Variants in KIF21A observed in about 807,000 individuals in gnomAD.
KIF21A encodes the protein kinesin family member 21A.
A neutral mutation model predicts 202.9 loss-of-function variants in KIF21A; 114 were observed. The observed-to-expected ratio is 0.56, with a 90% CI of 0.48 to 0.66. KIF21A has a LOEUF of 0.66. Among genes scored for constraint, KIF21A ranks in the 30% least tolerant of loss-of-function variants. The pLI is 0.00. For synonymous variants in KIF21A, 667 were observed against 670.8 expected, an observed-to-expected ratio of 0.99 and a Z score of 0.09; for missense variants, 1,677 against 1,994.9, an observed-to-expected ratio of 0.84 and a Z score of 3.04.
At chr12:39,343,370 T>A (rs147567261) in intron 12 of KIF21A, among the ~76,000 whole-genome samples, 1,830 of 151,852 alleles carry the variant, frequency 0.012, 41 homozygotes, top group African/African-American at 0.038. Context: ...AAAAATAAAT[T>A]AATTAATTAA....
chr12:39,430,964 A>T (rs1369913468), intron 1 of KIF21A, among the ~76,000 whole-genome samples: 1 of 152,146 alleles, frequency 6.6e-6, no homozygotes, highest in Non-Finnish European at 1.5e-5. Context: ...CAGCACCCAG[A>T]ACCAGGAGCT....
At chr12:39,385,439 T>C (rs1950881488) in intron 1 of KIF21A, among the ~76,000 whole-genome samples, 1 of 152,178 alleles carries the variant, frequency 6.6e-6, no homozygotes, top group Non-Finnish European at 1.5e-5. Flanking sequence ...ATTTCATCCA[T>C]ACCCAAAGAG....
At chr12:39,328,268 AC>A (rs200227328) in intron 24 of KIF21A, among the ~76,000 whole-genome samples, 27 of 150,724 alleles carry the variant, frequency 1.8e-4, no homozygotes, top group Admixed American at 7.9e-4. Flanking sequence ...TACATATGTC[AC>A]CCCCCCCAGT....
intron 1 of KIF21A, among the ~76,000 whole-genome samples, chr12:39,417,816 G>A (rs966389001): frequency 1.8e-4 from 28 of 152,164 alleles, no homozygotes; most frequent in Non-Finnish European, 3.2e-4. Flanking sequence ...AGTATGACAA[G>A]TATGACAGTA....
At chr12:39,334,870 G>A (rs1411437990) in intron 17 of KIF21A, among the ~76,000 whole-genome samples, 1 of 152,160 alleles carries the variant, frequency 6.6e-6, no homozygotes, top group Non-Finnish European at 1.5e-5. Context: ...CATCCCAGGA[G>A]TTCAGTATTG....
At chr12:39,294,548 T>C (rs1942110408) in intron 37 of KIF21A, 31 bp from the exon 38 acceptor site, 1 of 1,483,178 alleles carries the variant, frequency 6.7e-7, no homozygotes, top group South Asian at 1.1e-5. Context: ...CATGGATATA[T>C]GAACAAGGGC....
At chr12:39,346,402 C>T (rs1181418419) in intron 12 of KIF21A, 64 bp downstream of exon 12, 10 of 1,219,002 alleles carry the variant, frequency 8.2e-6, no homozygotes, top group African/African-American at 3.1e-5. Flanking sequence ...TAACACATTT[C>T]CTTGTGAATG....
intron 17 of KIF21A, among the ~76,000 whole-genome samples, chr12:39,335,115 A>G (rs1271724121): frequency 6.6e-6 from 1 of 152,166 alleles, no homozygotes; most frequent in Non-Finnish European, 1.5e-5. Flanking sequence ...CCTTGAAAAC[A>G]TCGTGTTAAA....
chr12:39,310,817 T>C (rs1224968078), intron 32 of KIF21A, among the ~76,000 whole-genome samples: 1 of 152,052 alleles, frequency 6.6e-6, no homozygotes, highest in Admixed American at 6.6e-5. Flanking sequence ...TGGTTTCCAG[T>C]TACTTGCAAT....
chr12:39,408,797 G>A (rs1052388986), intron 1 of KIF21A, among the ~76,000 whole-genome samples: 2 of 149,524 alleles, frequency 1.3e-5, no homozygotes, highest in Admixed American at 6.6e-5. Flanking sequence ...AGAAGCAATA[G>A]TTGTGGGGGC....
At chr12:39,357,514 A>G (rs1271165694) in intron 8 of KIF21A, 77 bp from the exon 9 acceptor site, 2 of 1,226,682 alleles carry the variant, frequency 1.6e-6, no homozygotes, top group African/African-American at 3.0e-5. Flanking sequence ...ATACTCTATA[A>G]CTATACAATT....
At chr12:39,405,852 T>C (rs1157336067) in intron 1 of KIF21A, among the ~76,000 whole-genome samples, 3 of 152,118 alleles carry the variant, frequency 2.0e-5, no homozygotes, top group South Asian at 2.1e-4. Flanking sequence ...AAAAAAAATA[T>C]GCAATAAGAA....
chr12:39,398,684 T>C (rs1053096517), intron 1 of KIF21A, among the ~76,000 whole-genome samples: 1 of 152,150 alleles, frequency 6.6e-6, no homozygotes, highest in Non-Finnish European at 1.5e-5. Context: ...AATTCTGCTA[T>C]AGAAGATGAA....
At chr12:39,295,458 G>A (rs909409573) in intron 37 of KIF21A, among the ~76,000 whole-genome samples, 2 of 151,972 alleles carry the variant, frequency 1.3e-5, no homozygotes, top group Non-Finnish European at 2.9e-5. Context: ...CCATCCCAAG[G>A]GAAAAAAGGT....
intron 7 of KIF21A, among the ~76,000 whole-genome samples, chr12:39,362,333 C>T (rs144547188): frequency 1.1e-3 from 161 of 152,238 alleles, no homozygotes; most frequent in Middle Eastern, 3.4e-3. Flanking sequence ...TGTATAGCAT[C>T]TAATAATCTT....
chr12:39,334,356 C>T (rs754343712), intron 17 of KIF21A, among the ~76,000 whole-genome samples: 2 of 152,172 alleles, frequency 1.3e-5, no homozygotes, highest in East Asian at 1.9e-4. Flanking sequence ...CTTTCTAGTA[C>T]TTAAATTCTG....
intron 28 of KIF21A, among the ~76,000 whole-genome samples, chr12:39,319,079 T>C (rs1944912155): frequency 6.6e-6 from 1 of 152,212 alleles, no homozygotes; most frequent in Non-Finnish European, 1.5e-5. Flanking sequence ...GTGGATGGTA[T>C]AGAATTGTCC....
chr12:39,437,991 T>C (rs1939052312), intron 1 of KIF21A, among the ~76,000 whole-genome samples: 1 of 152,214 alleles, frequency 6.6e-6, no homozygotes, highest in Non-Finnish European at 1.5e-5. Context: ...ATTGAAATTA[T>C]TAAGTAAAAT....
At chr12:39,361,552 C>G (rs1464572330) in intron 7 of KIF21A, among the ~76,000 whole-genome samples, 1 of 132,926 alleles carries the variant, frequency 7.5e-6, no homozygotes, top group African/African-American at 3.1e-5. Context: ...GACGGAGTCT[C>G]GCTCTGTCTC....
Sources: allele counts gnomAD v4.1 joint callset (sites outside exome capture counted in the v4.1 genomes callset), GRCh38; gene constraint gnomAD v4.1.1; transcripts MANE v1.5; gene names NCBI Gene and HGNC (gene_info 2026-07-23, HGNC 2026-07-21).